SPTLC1: variants seen among roughly 807,000 people sequenced by gnomAD.
The protein encoded by SPTLC1 is serine palmitoyltransferase 1.
Under a neutral mutation model 68.9 loss-of-function variants are expected in SPTLC1, and 55 were observed. That is an observed-to-expected ratio of 0.80 (90% confidence interval 0.64 to 1.00). The LOEUF (loss-of-function observed/expected upper bound fraction) is 1.00. SPTLC1 is among the 50% of genes least tolerant of loss of function. The pLI is 0.00. For synonymous variants in SPTLC1, 197 were observed against 201.6 expected (o/e 0.98, Z 0.19); for missense variants, 449 against 573.1 (o/e 0.78, Z 2.21).
chr9:92,081,949 A>C (rs1435641906), intron 3 of SPTLC1, among the ~76,000 whole-genome samples: 1 of 152,208 alleles, frequency 6.6e-6, no homozygotes, highest in African/African-American at 2.4e-5. Context: ...TGACAACTTG[A>C]AGTAAATTCA....
At chr9:92,063,707 A>AT (rs1834181095) in intron 6 of SPTLC1, among the ~76,000 whole-genome samples, 1 of 152,310 alleles carries the variant, frequency 6.6e-6, no homozygotes, top group East Asian at 1.9e-4. Context: ...TCAATATTTG[A>AT]AAATAAATCA....
chr9:92,038,662 C>CCT (rs949683628), intron 12 of SPTLC1, among the ~76,000 whole-genome samples: 6 of 152,244 alleles, frequency 3.9e-5, no homozygotes, highest in African/African-American at 1.4e-4. Flanking sequence ...CTGGGCCCCA[C>CCT]CTTGGCCTGT....
In SPTLC1 at chr9:92,060,997, C is replaced by T. The variant is rs180949765; in HGVS notation, c.561-1689G>A. 1.8e-3 allele frequency among the ~76,000 whole-genome samples: 269 copies of T among 151,822 alleles called. 3 individuals are homozygous for T. The highest frequency in any genetic ancestry group is 6.2e-3 in the African/African-American group (259 of 41,458). ...GACTAGAAAGAAATGAACAGAGTCT[C>T]AGGGACCCATGGGATTATAATAAAA... On this transcript the variant is annotated intron_variant, in intron 6 of 14. Coordinates refer to ENST00000262554, the MANE Select transcript of SPTLC1 (RefSeq NM_006415.4).
At chr9:92,038,523 G>A (rs1833228183) in intron 12 of SPTLC1, 158 bp from the exon 13 acceptor site, 1 of 702,716 alleles carries the variant, frequency 1.4e-6, no homozygotes, top group South Asian at 1.5e-5. Flanking sequence ...CAAAGAAAGG[G>A]AAACGAGGCA....
chr9:92,045,735 G>A (rs568721036), intron 12 of SPTLC1, among the ~76,000 whole-genome samples: 1 of 151,998 alleles, frequency 6.6e-6, no homozygotes, highest in African/African-American at 2.4e-5. Context: ...AAGATGTTGG[G>A]TTGTTATTTT....
rs138268337 is a variant in SPTLC1 at position 92,050,073 on chromosome 9, T to C, written c.781-6A>G. Reference sequence around the variant, plus strand: ...TATTTGTATTTTAACTTAACCTAAGTGTTATATAAACGTTAAAATACTAAT... The same window carrying C: ...TATTTGTATTTTAACTTAACCTAAGCGTTATATAAACGTTAAAATACTAAT... On this transcript the variant is annotated splice_region_variant and splice_polypyrimidine_tract_variant and intron_variant, in intron 8 of 14. Transcript: ENST00000262554. The C allele has an allele frequency of 0.016, 25,178 of 1,563,122 alleles. 252 individuals carry two copies. The highest frequency in any genetic ancestry group is 0.02 in the Middle Eastern group (118 of 5,966).
chr9:92,050,988 T>C, intron 8 of SPTLC1: 2 of 985,120 alleles, frequency 2.0e-6, no homozygotes, highest in Non-Finnish European at 2.4e-6. Context: ...TCAGTGCTTA[T>C]CTACACTTGA....
chr9:92,048,081 G>T (rs1311934386), intron 9 of SPTLC1, among the ~76,000 whole-genome samples: 2 of 152,112 alleles, frequency 1.3e-5, no homozygotes, highest in Admixed American at 1.3e-4. Context: ...CTTCCTCATG[G>T]GATGCACTGA....
At chr9:92,105,005 T>G in intron 3 of SPTLC1, 10 of 1,519,538 alleles carry the variant, frequency 6.6e-6, no homozygotes, top group Non-Finnish European at 7.1e-6. Flanking sequence ...AGTTCCGGGC[T>G]GCTCCCTGTG....
intron 8 of SPTLC1, among the ~76,000 whole-genome samples, chr9:92,053,425 G>T (rs535902510): frequency 1.3e-5 from 2 of 152,078 alleles, no homozygotes; most frequent in Non-Finnish European, 2.9e-5. Context: ...ATACATAAAA[G>T]AACTGAAAAC....
At chr9:92,042,810 T>C (rs1833396833) in intron 12 of SPTLC1, among the ~76,000 whole-genome samples, 2 of 152,168 alleles carry the variant, frequency 1.3e-5, no homozygotes, top group East Asian at 3.8e-4. Context: ...GTCTGAGGAA[T>C]GAGCAAATAT....
intron 6 of SPTLC1, among the ~76,000 whole-genome samples, chr9:92,059,816 GA>G (rs1322119179): frequency 6.6e-6 from 1 of 152,188 alleles, no homozygotes; most frequent in African/African-American, 2.4e-5. Context: ...CAAAGGCTGA[GA>G]AGGGAACTTA....
At chr9:92,080,570 G>A (rs1834843034) in intron 4 of SPTLC1, among the ~76,000 whole-genome samples, 1 of 151,966 alleles carries the variant, frequency 6.6e-6, no homozygotes, top group South Asian at 2.1e-4. Flanking sequence ...ATAGAGTCTC[G>A]CCCTGTTGCC....
At chr9:92,061,590 C>CTGT in intron 6 of SPTLC1, among the ~76,000 whole-genome samples, 1 of 152,096 alleles carries the variant, frequency 6.6e-6, no homozygotes, top group African/African-American at 2.4e-5. Flanking sequence ...AAAATATGGG[C>CTGT]AAATACACTA....
chr9:92,104,588 T>C, intron 3 of SPTLC1: 1 of 1,486,568 alleles, frequency 6.7e-7, no homozygotes. Context: ...CAGAGGCAAG[T>C]TTAACCTTCA....
At chr9:92,057,568 G>A (rs575895702) in intron 7 of SPTLC1, among the ~76,000 whole-genome samples, 2 of 152,286 alleles carry the variant, frequency 1.3e-5, no homozygotes, top group South Asian at 4.1e-4. Flanking sequence ...TTATTAGTGA[G>A]GCCAGGCTAT....
At chr9:92,057,003 T>C (rs1833915835) in intron 7 of SPTLC1, among the ~76,000 whole-genome samples, 1 of 152,202 alleles carries the variant, frequency 6.6e-6, no homozygotes. Flanking sequence ...ATATTCAATG[T>C]AGGATTCTTG....
chr9:92,080,653 C>A (rs572171932), intron 4 of SPTLC1, among the ~76,000 whole-genome samples: 8 of 152,326 alleles, frequency 5.3e-5, no homozygotes, highest in African/African-American at 1.9e-4. Flanking sequence ...ATTCTCCCAC[C>A]TCAGCCTCCC....
At chr9:92,112,963 T>TG (rs1323893925) in intron 1 of SPTLC1, among the ~76,000 whole-genome samples, 1 of 151,902 alleles carries the variant, frequency 6.6e-6, no homozygotes. Context: ...CAAAATTAGC[T>TG]GGGTCTGGTG....
Sources: allele counts gnomAD v4.1 joint callset (sites outside exome capture counted in the v4.1 genomes callset), GRCh38; gene constraint gnomAD v4.1.1; transcripts MANE v1.5; gene names NCBI Gene and HGNC (gene_info 2026-07-23, HGNC 2026-07-21).